CPT1C: variants seen among roughly 807,000 people sequenced by gnomAD.
The protein encoded by CPT1C is palmitoyl thioesterase CPT1C.
In CPT1C, 61 loss-of-function variants were observed where a neutral mutation model predicts 97.3. The ratio of observed to expected loss-of-function variants is 0.63; its 90% CI spans 0.51 to 0.78. CPT1C has a LOEUF of 0.78. Among genes scored for constraint, CPT1C ranks in the 30% least tolerant of loss-of-function variants. The pLI is 0.00. For missense variants in CPT1C, 975 were observed against 1,065.5 expected, an observed-to-expected ratio of 0.92 and a Z score of 1.18; for synonymous variants, 469 against 447.2, an observed-to-expected ratio of 1.05 and a Z score of -0.61.
Position 49,702,039 on chromosome 19 carries a change from T to TTATTTATAAATTATAAATATA in CPT1C, c.693+413_693+433dup, listed in dbSNP as rs1600087881. Among the ~76,000 whole-genome samples the TTATTTATAAATTATAAATATA allele has an allele frequency of 5.5e-4, 54 of 97,860 alleles. 8 individuals are homozygous for TTATTTATAAATTATAAATATA. Among genetic ancestry groups the TTATTTATAAATTATAAATATA allele is most frequent in the Admixed American group, 3.7e-3 (26 of 6,946 alleles). 64.2% of individuals were successfully genotyped at this position (97,860 alleles called of 152,430 possible). On this transcript the variant is annotated intron_variant, in intron 7 of 19. Coordinates refer to ENST00000598293, the MANE Select transcript of CPT1C (RefSeq NM_001199753.2). ...TTATTTATAAATTATAAATATATATTTATTTATAAATTATAAATATATATT... is the reference window on the plus strand; with the variant it reads ...TTATTTATAAATTATAAATATATATTTATTTATAAATTATAAATATATATTTATAAATTATAAATATATATT...
chr19:49,693,032 G>A (rs566427007), intron 3 of CPT1C, among the ~76,000 whole-genome samples: 2 of 152,286 alleles, frequency 1.3e-5, no homozygotes, highest in Middle Eastern at 3.4e-3. Context: ...GGGATTACAG[G>A]CATGGATTAT....
chr19:49,701,558 C>T lies in CPT1C; in HGVS notation c.617C>T (p.Ala206Val). Residue 206 changes from alanine to valine, a missense_variant, in exon 7 of 20, where the codon GCG (alanine) becomes GTG (valine). Physicochemically the swap from Ala to Val is moderately conservative, Grantham distance 64. Transcript: ENST00000598293. ...DEDFDWTAVL[A>V]QEFLRLQASL... The stretch of plus-strand genomic sequence containing the variant: ...GACTTCGACTGGACCGCGGTCCTGG[C>T]GCAGGAATTCCTGAGGCTGCAGGCG... 1 of 1,611,876 alleles carries T rather than the reference C, an allele frequency of 6.2e-7. No homozygotes were observed. The highest frequency in any genetic ancestry group is 1.1e-5 in the South Asian group (1 of 90,868).
chr19:49,712,118 G>A (rs182117126), intron 17 of CPT1C, 157 bp downstream of exon 17: 12 of 892,828 alleles, frequency 1.3e-5, no homozygotes, highest in East Asian at 2.8e-5. Flanking sequence ...CGAGGCAGGC[G>A]GATCACTTGA....
chr19:49,698,700 G>C (rs2082817032), intron 4 of CPT1C, among the ~76,000 whole-genome samples: 1 of 151,732 alleles, frequency 6.6e-6, no homozygotes, highest in African/African-American at 2.4e-5. Flanking sequence ...CCCGTCTCTA[G>C]TCATGTAGTC....
At chr19:49,707,480 C>T in intron 12 of CPT1C, 38 bp from the exon 13 acceptor site, 1 of 1,493,906 alleles carries the variant, frequency 6.7e-7, no homozygotes, top group Non-Finnish European at 9.3e-7. Flanking sequence ...TCCCCGTGCC[C>T]CTCGCTCTTG....
rs1600120584 is a variant in CPT1C, at chr19:49,706,431, T to C, written c.1343+18T>C. 6.9e-7 allele frequency: 1 copy of C among 1,450,994 alleles called. No individual in the cohort carries two copies. Among genetic ancestry groups the C allele is most frequent in the Non-Finnish European group, 9.0e-7 (1 of 1,110,186 alleles). 89.9% of individuals were successfully genotyped at this position (1,450,994 alleles called of 1,614,324 possible). A position where few individuals can be genotyped will look rare whatever the true frequency, so the allele number is the denominator to read the frequency against. On this transcript the variant is annotated intron_variant, in intron 12 of 19. Coordinates refer to ENST00000598293, the MANE Select transcript of CPT1C (RefSeq NM_001199753.2). This position sits in a 1 kb window ranked among gnomAD's most constrained non-coding sequence, Gnocchi z 4.8. ...CATGATCGGTGAGTGAGTCTTGGGATGGGGCCCCCAGATGTGGCACCCGAG... is the reference window on the plus strand; with the variant it reads ...CATGATCGGTGAGTGAGTCTTGGGACGGGGCCCCCAGATGTGGCACCCGAG...
chr19:49,707,658 C>T, intron 13 of CPT1C, 35 bp downstream of exon 13: 1 of 1,411,842 alleles, frequency 7.1e-7, no homozygotes, highest in Non-Finnish European at 9.9e-7. Flanking sequence ...TCTGGGGACC[C>T]CTGCCCCATC....
In CPT1C at chr19:49,709,540, G is replaced by A. The variant is rs549663162; in HGVS notation, c.1566+701G>A. ...CCCAATCTTGTTCCAGTCTACACAT[G>A]CCATCCCTATCCCCATTTTTTTTTT... On this transcript the variant is annotated intron_variant, in intron 14 of 19. Transcript: ENST00000598293. Among the ~76,000 whole-genome samples the A allele has an allele frequency of 6.1e-5, 9 of 148,294 alleles. No individual in the cohort carries two copies. The South Asian group carries it at 1.7e-3, about 28-fold the overall frequency.
rs963705044 is a variant in CPT1C at position 49,697,268 on chromosome 19, G to C, written c.142-58G>C. ...CTCAGTAATGTCTGGGGATGGCACA[G>C]AACAGGGGCTCAGAGGAGAGGGCAG... is the stretch of plus-strand genomic sequence containing the variant. On this transcript the variant is annotated intron_variant, in intron 3 of 19. Transcript: ENST00000598293. 2.2e-5 allele frequency: 36 copies of C among 1,609,506 alleles called. No individual in the cohort carries two copies. In the African/African-American group the frequency reaches 4.7e-4, roughly 21 times the overall value.
At chr19:49,694,080 AAAATAAAAAATAAATAAATAAATAAAT>A (rs2082510048) in intron 3 of CPT1C, among the ~76,000 whole-genome samples, 1 of 145,304 alleles carries the variant, frequency 6.9e-6, no homozygotes, top group Non-Finnish European at 1.5e-5. Context: ...AAAATAAAAT[AAAATAAAAAATAAATAAATAAATAAAT>A]AAATAAATAA....
Position 49,712,799 on chromosome 19 carries a change from G to T in CPT1C, c.2083G>T (p.Asp695Tyr). 6.2e-7 allele frequency: 1 copy of T among 1,614,074 alleles called. No individual in the cohort carries two copies. The highest frequency in any genetic ancestry group is 1.1e-5 in the South Asian group (1 of 91,072). The change falls in exon 18 of 20, where the codon GAC (aspartate) becomes TAC (tyrosine). Residue 695 changes from aspartate to tyrosine, a missense_variant. Asp to Tyr is a radical substitution (Grantham distance 160). Around this residue, in one of 3 missense-constraint regions of CPT1C, gnomAD observed 344 missense variants for 395.7 expected, o/e 0.87. Transcript: ENST00000598293. ...QIPVQQMHLF[D>Y]VHNYPDYVSS... ...CCCTGTTCAGCAAATGCATCTGTTTGACGTCCACAATTACCCGGACTATGT... is the reference window on the plus strand; with the variant it reads ...CCCTGTTCAGCAAATGCATCTGTTTTACGTCCACAATTACCCGGACTATGT...
At chr19:49,700,584 T>A in intron 4 of CPT1C, 100 bp from the exon 5 acceptor site, 7 of 1,346,084 alleles carry the variant, frequency 5.2e-6, no homozygotes, top group Non-Finnish European at 7.2e-6. Flanking sequence ...TTTCTCTGTC[T>A]GACAGCCAAA....
In CPT1C at chr19:49,711,953, C is replaced by T. The variant is rs1171975308; in HGVS notation, c.2011C>T (p.Leu671=). 2 of 1,613,794 alleles carry T rather than the reference C, an allele frequency of 1.2e-6. No homozygotes were observed. The highest frequency in any genetic ancestry group is 2.2e-5 in the South Asian group (2 of 91,078). ...ATTCCTCCACCTGCAGTCGCCCTTC[C>T]TGACCCAGGTTGGGGCACAGGGAAA... ...SRFLHLQSPF[L]TQVHSEQWQL... The change falls in exon 17 of 20, where the codon CTG becomes TTG. Residue 671 remains leucine, a synonymous_variant. Transcript: ENST00000598293.
At chr19:49,708,211 G>A (rs2083627243) in intron 13 of CPT1C, among the ~76,000 whole-genome samples, 2 of 151,104 alleles carry the variant, frequency 1.3e-5, no homozygotes, top group Non-Finnish European at 3.0e-5. Flanking sequence ...CAGGCTGGGT[G>A]CAGTGGCTCA....
In CPT1C at chr19:49,692,376, C is replaced by A. The variant is rs146580907; in HGVS notation, c.124C>A (p.His42Asn). ...YLSGLRSWKR[H>N]LSRFWNDFLT... ...CTCTGGCCTGCGCTCCTGGAAAAGG[C>A]ATCTCTCACGTTTCTGGGTGAGGAG... The change falls in exon 3 of 20, where the codon CAT (histidine) becomes AAT (asparagine). Residue 42 changes from histidine to asparagine, a missense_variant. Coordinates refer to ENST00000598293, the MANE Select transcript of CPT1C (RefSeq NM_001199753.2). 4 of 1,614,162 alleles carry A rather than the reference C, an allele frequency of 2.5e-6. No homozygotes were observed. The highest frequency in any genetic ancestry group is 1.3e-5 in the African/African-American group (1 of 75,038).
rs539134954 is a variant in CPT1C at position 49,710,455 on chromosome 19, C to A, written c.1702C>A (p.Gln568Lys). 3.1e-6 allele frequency: 5 copies of A among 1,614,198 alleles called. No individual in the cohort carries two copies. The highest frequency in any genetic ancestry group is 4.2e-6 in the Non-Finnish European group (5 of 1,180,032). ...CCACCTCTCTTCAGACAGCTTCATC[C>A]AGATCGCCTTGCAACTGGCCCACTT... The part of the protein sequence containing the change: ...RCHLSSDSFI[Q>K]IALQLAHFRD... Residue 568 changes from glutamine (Q) to lysine (K), a missense_variant, in exon 15 of 20, where the codon CAG (glutamine) becomes AAG (lysine). Transcript: ENST00000598293.
intron 18 of CPT1C, 60 bp downstream of exon 18, chr19:49,712,909 C>T: frequency 6.3e-7 from 1 of 1,593,748 alleles, no homozygotes; most frequent in Non-Finnish European, 8.6e-7. Flanking sequence ...GGCCTGCACT[C>T]CTGCATAGTG....
At chr19:49,712,905 C>A in intron 18 of CPT1C, 56 bp downstream of exon 18, 1 of 1,590,804 alleles carries the variant, frequency 6.3e-7, no homozygotes. Flanking sequence ...GGGGGGCCTG[C>A]ACTCCTGCAT....
At chr19:49,712,911 T>C in intron 18 of CPT1C, 61 bp from the exon 19 acceptor site, 1 of 1,588,882 alleles carries the variant, frequency 6.3e-7, no homozygotes, top group African/African-American at 1.3e-5. Flanking sequence ...CCTGCACTCC[T>C]GCATAGTGGG....
Sources: allele counts gnomAD v4.1 joint callset (sites outside exome capture counted in the v4.1 genomes callset), GRCh38; gene constraint gnomAD v4.1.1; regional missense constraint gnomAD v4.1.1; non-coding constraint Gnocchi (gnomAD v3.1); transcripts MANE v1.5; gene names NCBI Gene and HGNC (gene_info 2026-07-23, HGNC 2026-07-21).